Variants in ZNF215 observed in about 807,000 individuals in gnomAD.
ZNF215 encodes the protein BWSCR2-associated zinc finger protein 2.
Under a neutral mutation model 27.2 loss-of-function variants are expected in ZNF215, and 24 were observed. That is an observed-to-expected ratio of 0.88 (90% CI 0.64 to 1.24). The LOEUF (loss-of-function observed/expected upper bound fraction) is 1.24. Ranked by LOEUF, ZNF215 falls within the 50% of genes most tolerant of loss-of-function variation. The pLI, the probability that ZNF215 is intolerant of heterozygous loss-of-function variation, is 0.00. For missense variants in ZNF215, 675 were observed against 605.7 expected (o/e 1.11, Z -1.20); for synonymous variants, 210 against 204.0 (o/e 1.03, Z -0.25).
At chr11:6,965,442 A>G (rs970128762) in intron 5 of ZNF215, among the ~76,000 whole-genome samples, 3 of 146,844 alleles carry the variant, frequency 2.0e-5, no homozygotes, top group South Asian at 2.3e-4. Context: ...TATTCAAACA[A>G]TGTTTAAAGA....
Position 6,956,576 on chromosome 11 carries a change from C to G in ZNF215, c.*45C>G. 6.7e-7 allele frequency: 1 copy of G among 1,497,826 alleles called. No homozygotes were observed. The highest frequency in any genetic ancestry group is 8.8e-7 in the Non-Finnish European group (1 of 1,131,250). 92.8% of individuals were successfully genotyped at this position (1,497,826 alleles called of 1,614,324 possible). On this transcript the variant is annotated 3_prime_UTR_variant, in exon 7 of 7. Transcript: ENST00000278319. ...TTACCTTCAGTCAGAATGCAGAACT[C>G]ATTTAACATCATGAATTTATGCTGG...
intron 5 of ZNF215, among the ~76,000 whole-genome samples, chr11:6,970,345 A>G (rs1344268108): frequency 6.6e-6 from 1 of 152,234 alleles, no homozygotes; most frequent in African/African-American, 2.4e-5. Flanking sequence ...ATATTAACCA[A>G]GTCCAATGTT....
At chr11:6,985,472 GAAAACT>G (rs1287651488), downstream of ZNF215, among the ~76,000 whole-genome samples, 2 of 152,002 alleles carry the variant, frequency 1.3e-5, no homozygotes, top group East Asian at 3.9e-4. Flanking sequence ...CATTCCCCAT[GAAAACT>G]AGAACAAGAC....
intron 4 of ZNF215, 122 bp from the exon 5 acceptor site, chr11:6,942,961 A>T: frequency 1.4e-6 from 2 of 1,403,886 alleles, no homozygotes; most frequent in Non-Finnish European, 1.9e-6. Context: ...CATTGTCCTC[A>T]GACATTGTCC....
chr11:6,991,245 T>C (rs1300412092), downstream of ZNF215, among the ~76,000 whole-genome samples: 1 of 152,216 alleles, frequency 6.6e-6, no homozygotes, highest in Non-Finnish European at 1.5e-5. Flanking sequence ...CGTTTCTTCA[T>C]GGTCAGAATG....
In ZNF215 at chr11:6,956,375, CTG is replaced by C. The variant is rs1850355847; in HGVS notation, c.1401_1402del (p.Cys467TrpfsTer26). 1.2e-6 allele frequency: 2 copies of C among 1,614,146 alleles called. No individual in the cohort carries two copies. The highest frequency in any genetic ancestry group is 1.7e-6 in the Non-Finnish European group (2 of 1,180,006). ...GAAACAATTTCTATCAATGTGTTAA[CTG>C]TGGAAAATCCTTCAACCGGAGCTCC... The part of the protein sequence containing the change: ...FGNNFYQCVN[C>X]GKSFNRSSSL... On this transcript the variant is annotated frameshift_variant, in exon 7 of 7. Coordinates refer to ENST00000278319, the MANE Select transcript of ZNF215 (RefSeq NM_013250.4). LOFTEE classifies it low-confidence loss of function (END_TRUNC).
chr11:6,967,890 A>T (rs1193777295), intron 5 of ZNF215, among the ~76,000 whole-genome samples: 1 of 152,070 alleles, frequency 6.6e-6, no homozygotes, highest in East Asian at 1.9e-4. Flanking sequence ...TGGATTGCCT[A>T]GGTTTTCTTG....
chr11:6,987,041 C>T (rs1209550931), downstream of ZNF215, among the ~76,000 whole-genome samples: 1 of 152,074 alleles, frequency 6.6e-6, no homozygotes, highest in Non-Finnish European at 1.5e-5. Context: ...TGGGTACATA[C>T]ACAAAAGAAA....
intron 5 of ZNF215, among the ~76,000 whole-genome samples, chr11:6,979,858 A>T (rs1239703261): frequency 6.6e-6 from 1 of 152,118 alleles, no homozygotes; most frequent in East Asian, 1.9e-4. Flanking sequence ...AGAAAATAAA[A>T]CCTACGTGAC....
intron 6 of ZNF215, among the ~76,000 whole-genome samples, chr11:6,952,484 T>G (rs1391358044): frequency 6.6e-6 from 1 of 152,180 alleles, no homozygotes; most frequent in Non-Finnish European, 1.5e-5. Context: ...TTTACCATTA[T>G]GTAATGGCCT....
At chr11:6,974,031 T>A (rs10742996) in intron 5 of ZNF215, among the ~76,000 whole-genome samples, 5 of 151,884 alleles carry the variant, frequency 3.3e-5, no homozygotes, top group Non-Finnish European at 5.9e-5. Flanking sequence ...GTTTTAGGTC[T>A]AATATTTAAG....
Position 6,957,278 on chromosome 11 carries a change from T to C in ZNF215, c.*747T>C. The C allele has an allele frequency of 1.4e-6, 1 of 737,440 alleles. No individual in the cohort carries two copies. The highest frequency in any genetic ancestry group is 1.7e-6 in the Non-Finnish European group (1 of 603,604). 45.7% of individuals were successfully genotyped at this position (737,440 alleles called of 1,614,324 possible). A position where few individuals can be genotyped will look rare whatever the true frequency, so the allele number is the denominator to read the frequency against. On this transcript the variant is annotated 3_prime_UTR_variant, in exon 7 of 7. Coordinates refer to ENST00000278319, the MANE Select transcript of ZNF215 (RefSeq NM_013250.4). ...CCCAGCCAGGGACACTGTGTGGAGT[T>C]CGCACACTCTCCCTATGTCTCCGGG... is the stretch of plus-strand genomic sequence containing the variant.
chr11:6,967,386 C>T (rs958379155), intron 5 of ZNF215, among the ~76,000 whole-genome samples: 1 of 152,236 alleles, frequency 6.6e-6, no homozygotes, highest in African/African-American at 2.4e-5. Flanking sequence ...TCCACACTGT[C>T]TTCCACAATG....
chr11:6,988,161 A>G (rs1851080017), downstream of ZNF215: 7 of 982,712 alleles, frequency 7.1e-6, no homozygotes, highest in South Asian at 1.4e-4. Context: ...AATCTGTTCA[A>G]TTACCTTGTA....
At chr11:6,979,147 C>T (rs1850893882) in intron 5 of ZNF215, among the ~76,000 whole-genome samples, 1 of 152,050 alleles carries the variant, frequency 6.6e-6, no homozygotes, top group African/African-American at 2.4e-5. Context: ...GTGCCAATTA[C>T]CAATTTATTG....
intron 6 of ZNF215, among the ~76,000 whole-genome samples, chr11:6,947,783 T>C (rs66958866): frequency 0.072 from 10,887 of 152,250 alleles, 488 homozygotes; most frequent in East Asian, 0.15. Context: ...GGAGTTCTTA[T>C]GTTCCATACG....
chr11:6,958,668 G>A (rs1261853738), downstream of ZNF215, among the ~76,000 whole-genome samples: 2 of 152,142 alleles, frequency 1.3e-5, no homozygotes, highest in African/African-American at 4.8e-5. Context: ...ACAAAGTGAG[G>A]TCCCACAATA....
At chr11:6,993,217 CTG>C (rs1248398049), downstream of ZNF215, among the ~76,000 whole-genome samples, 1 of 152,152 alleles carries the variant, frequency 6.6e-6, no homozygotes, top group Non-Finnish European at 1.5e-5. Context: ...ACACCCTACT[CTG>C]TATCTGGGTA....
chr11:6,942,003 C>A (rs76589670), intron 4 of ZNF215, among the ~76,000 whole-genome samples: 2 of 151,944 alleles, frequency 1.3e-5, no homozygotes, highest in African/African-American at 2.4e-5. Flanking sequence ...AAAGACAGGA[C>A]CAAAAGATGT....
Sources: gnomAD v4.1 joint callset for allele counts (sites outside exome capture counted in the v4.1 genomes callset) on GRCh38, gnomAD v4.1.1 for gene constraint, MANE v1.5 for transcripts, NCBI Gene and HGNC (gene_info 2026-07-23, HGNC 2026-07-21) for gene names.